HEXIM2: variants seen among roughly 807,000 people sequenced by gnomAD.
HEXIM2 encodes the protein protein HEXIM2.
For synonymous variants in HEXIM2, 159 were observed against 162.7 expected, an observed-to-expected ratio of 0.98 and a Z score of 0.17; for missense variants, 413 against 390.8, an observed-to-expected ratio of 1.06 and a Z score of -0.48.
At position 45,169,978 on chromosome 17, in the gene HEXIM2, G is replaced by C. The variant is rs1185018964; in HGVS notation, c.*169G>C. ...TCCCACCTCACCGTTTCCATAGTTGGCTCTTTTGTGTCATCTTACCCTTTA... is the reference window on the plus strand; with the variant it reads ...TCCCACCTCACCGTTTCCATAGTTGCCTCTTTTGTGTCATCTTACCCTTTA... On this transcript the variant is annotated 3_prime_UTR_variant, in exon 4 of 4. Transcript: ENST00000589230. 1.9e-6 allele frequency: 1 copy of C among 516,566 alleles called. No homozygotes were observed. Among genetic ancestry groups the C allele is most frequent in the African/African-American group, 1.9e-5 (1 of 51,658 alleles). The allele number at this position is 516,566 out of a possible 1,614,324, so 32.0% of individuals were successfully genotyped here.
chr17:45,161,654 G>A (rs1460470300), upstream of HEXIM2: 1 of 161,876 alleles, frequency 6.2e-6, no homozygotes, highest in Non-Finnish European at 1.3e-5. Context: ...GAGAAGGCGG[G>A]TCCAGTTGTG....
chr17:45,163,853 A>T (rs765009222), intron 3 of HEXIM2, among the ~76,000 whole-genome samples: 1 of 151,856 alleles, frequency 6.6e-6, no homozygotes, highest in African/African-American at 2.4e-5. Context: ...CATCTCAAAA[A>T]AGAAACAAAA....
At chr17:45,160,880 T>C (rs751781785), upstream of HEXIM2, 45 of 1,287,764 alleles carry the variant, frequency 3.5e-5, no homozygotes, top group Non-Finnish European at 4.3e-5. Context: ...GTTGCTACAG[T>C]AGTTTAAGAG....
At chr17:45,165,193 C>G (rs1230704619) in intron 3 of HEXIM2, among the ~76,000 whole-genome samples, 1 of 152,206 alleles carries the variant, frequency 6.6e-6, no homozygotes, top group African/African-American at 2.4e-5. Flanking sequence ...GCCCAAGCCA[C>G]TGGTGGAGAC....
At position 45,169,054 on chromosome 17, in the gene HEXIM2, C is replaced by T. The variant is rs1381336309; in HGVS notation, c.106C>T (p.Arg36Cys). Residue 36 changes from arginine to cysteine, a missense_variant, in exon 4 of 4, where the codon CGT becomes TGT. By Grantham distance (180) the Arg-to-Cys change is radical. Transcript: ENST00000589230. The stretch of plus-strand genomic sequence containing the variant: ...GGGGAGCCCCCAAACACCCCCTGAG[C>T]GTCATGACTCTGGTGGTTCCCTGCC... ...APGSPQTPPE[R>C]HDSGGSLPLT... The T allele has an allele frequency of 6.2e-6, 10 of 1,613,662 alleles. No homozygotes were observed. The highest frequency in any genetic ancestry group is 3.3e-5 in the Admixed American group (2 of 59,982).
At chr17:45,162,940 T>A in intron 3 of HEXIM2, 81 bp downstream of exon 3, 1 of 954,160 alleles carries the variant, frequency 1.0e-6, no homozygotes, top group Non-Finnish European at 1.7e-6. Context: ...GTCCCAGATG[T>A]GTTGGTAGAT....
At chr17:45,160,959 T>C (rs949162785), upstream of HEXIM2, 5 of 1,289,504 alleles carry the variant, frequency 3.9e-6, no homozygotes, top group South Asian at 2.5e-5. Context: ...GTGGGTGCAC[T>C]GGGATCTCCG....
chr17:45,165,883 C>T (rs2042830548), intron 3 of HEXIM2, among the ~76,000 whole-genome samples: 1 of 152,164 alleles, frequency 6.6e-6, no homozygotes, highest in Non-Finnish European at 1.5e-5. Context: ...CAACCTCCGC[C>T]TCCCAGGTTC....
At chr17:45,161,236 C>G (rs2042674578), upstream of HEXIM2, 1 of 350,784 alleles carries the variant, frequency 2.9e-6, no homozygotes, top group Non-Finnish European at 5.7e-6. Flanking sequence ...TCTGGGGTCT[C>G]GGGAAACACG....
chr17:45,164,373 T>A (rs879672182), intron 3 of HEXIM2, among the ~76,000 whole-genome samples: 32 of 152,056 alleles, frequency 2.1e-4, no homozygotes, highest in Admixed American at 3.3e-4. Flanking sequence ...GAGAATCGCT[T>A]GAAACTGGGA....
upstream of HEXIM2, among the ~76,000 whole-genome samples, chr17:45,160,282 G>T (rs1302587929): frequency 6.6e-6 from 1 of 152,014 alleles, no homozygotes; most frequent in Non-Finnish European, 1.5e-5. Flanking sequence ...ATAAAAACTG[G>T]TTTCTTTTTT....
chr17:45,160,204 G>T, upstream of HEXIM2, among the ~76,000 whole-genome samples: 1 of 152,288 alleles, frequency 6.6e-6, no homozygotes, highest in Admixed American at 6.5e-5. Flanking sequence ...CAGCTATAAT[G>T]TAAGGTTAAG....
chr17:45,162,112 C>T (rs2042714843), intron 1 of HEXIM2, 81 bp downstream of exon 1: 4 of 667,014 alleles, frequency 6.0e-6, no homozygotes, highest in Non-Finnish European at 7.4e-6. Flanking sequence ...AGTTGGGTTT[C>T]CCTCCCAGCT....
At chr17:45,160,959 T>G (rs949162785), upstream of HEXIM2, 8 of 1,289,624 alleles carry the variant, frequency 6.2e-6, no homozygotes, top group African/African-American at 1.2e-4. Flanking sequence ...GTGGGTGCAC[T>G]GGGATCTCCG....
At position 45,169,462 on chromosome 17, in the gene HEXIM2, G is replaced by A. The variant is rs748130965; in HGVS notation, c.514G>A (p.Glu172Lys). The change falls in exon 4 of 4, where the codon GAG becomes AAG. Residue 172 changes from glutamate to lysine, a missense_variant. Physicochemically the swap from Glu to Lys is moderately conservative, Grantham distance 56. Transcript: ENST00000589230. Reference protein sequence around the residue: ...HGISHPGSSGESEAGDSDGRG... With the variant: ...HGISHPGSSGKSEAGDSDGRG... ...GATCTCCCACCCAGGTTCCAGTGGG[G>A]AGAGTGAGGCCGGGGACAGTGATGG... 3.0e-5 allele frequency: 49 copies of A among 1,613,752 alleles called. No homozygotes were observed. The highest frequency in any genetic ancestry group is 4.0e-5 in the Non-Finnish European group (47 of 1,180,002).
Position 45,169,110 on chromosome 17 carries a change from G to A in HEXIM2, c.162G>A (p.Glu54=), listed in dbSNP as rs755426705. Residue 54 remains glutamate, a synonymous_variant, in exon 4 of 4, where the codon GAG becomes GAA. Transcript: ENST00000589230. ...PLTPRMESHS[E]DEDLAGAVGG... is the part of the protein sequence containing the mutation. ...CACCGCGGATGGAGAGCCACTCAGA[G>A]GATGAAGATCTTGCTGGGGCTGTCG... is the stretch of plus-strand genomic sequence containing the variant. The A allele has an allele frequency of 6.2e-7, 1 of 1,614,070 alleles. No homozygotes were observed. Among genetic ancestry groups the A allele is most frequent in the South Asian group, 1.1e-5 (1 of 91,076 alleles).
At chr17:45,164,135 A>C (rs2042776048) in intron 3 of HEXIM2, among the ~76,000 whole-genome samples, 1 of 150,352 alleles carries the variant, frequency 6.7e-6, no homozygotes, top group South Asian at 2.1e-4. Context: ...AGCTTGGGCA[A>C]CAAGAACAAA....
In HEXIM2 at chr17:45,169,537, T is replaced by G. The variant is rs2042968375; in HGVS notation, c.589T>G (p.Tyr197Asp). ...EFQRKDFSET[Y>D]ERFHTESLQG... is the part of the protein sequence containing the mutation. Reference sequence around the variant, plus strand: ...CCAGCGGAAGGACTTCTCTGAGACTTACGAACGCTTCCACACCGAGAGCCT... The same window carrying G: ...CCAGCGGAAGGACTTCTCTGAGACTGACGAACGCTTCCACACCGAGAGCCT... Residue 197 changes from tyrosine to aspartate, a missense_variant, in exon 4 of 4, where the codon TAC (tyrosine) becomes GAC (aspartate). Physicochemically the swap from Tyr to Asp is radical, Grantham distance 160 (BLOSUM62 -3). Coordinates refer to ENST00000589230, the MANE Select transcript of HEXIM2 (RefSeq NM_001303441.2). 1.3e-6 allele frequency: 2 copies of G among 1,579,430 alleles called. No homozygotes were observed. Among genetic ancestry groups the G allele is most frequent in the Admixed American group, 3.7e-5 (2 of 53,972 alleles).
At chr17:45,167,514 C>G (rs940815658) in intron 3 of HEXIM2, among the ~76,000 whole-genome samples, 1 of 152,158 alleles carries the variant, frequency 6.6e-6, no homozygotes, top group Non-Finnish European at 1.5e-5. Context: ...AAGAGGATTG[C>G]TTGAGTCTAG....
Sources: allele counts gnomAD v4.1 joint callset (sites outside exome capture counted in the v4.1 genomes callset), GRCh38; gene constraint gnomAD v4.1.1; transcripts MANE v1.5; gene names NCBI Gene and HGNC (gene_info 2026-07-23, HGNC 2026-07-21).